The following ITGB1BP1 variants were observed in gnomAD, a reference collection of about 807,000 sequenced individuals.
ITGB1BP1 encodes the protein integrin beta-1-binding protein 1.
A neutral mutation model predicts 28.0 loss-of-function variants in ITGB1BP1; 20 were observed. That is an observed-to-expected ratio of 0.71 (90% CI 0.50 to 1.04). ITGB1BP1 has a LOEUF of 1.04. Ranked by LOEUF, ITGB1BP1 falls within the 50% of genes least tolerant of loss-of-function variation. The pLI, the probability that ITGB1BP1 is intolerant of heterozygous loss-of-function variation, is 0.00. For missense variants in ITGB1BP1, 228 were observed against 242.5 expected (o/e 0.94, Z 0.40); for synonymous variants, 103 against 89.5 (o/e 1.15, Z -0.85).
chr2:9,417,930 C>A (rs1679352219), intron 2 of ITGB1BP1, among the ~76,000 whole-genome samples: 1 of 152,098 alleles, frequency 6.6e-6, no homozygotes, highest in Non-Finnish European at 1.5e-5. Flanking sequence ...TATTTTATGC[C>A]CCTTAAACAG....
Position 9,408,216 on chromosome 2 carries a change from A to G in ITGB1BP1, c.289-11T>C. On this transcript the variant is annotated splice_polypyrimidine_tract_variant and intron_variant, in intron 4 of 6. Transcript: ENST00000355346. Reference sequence around the variant, plus strand: ...CAACTTTCCATCTTGCTTTAAAGTAAAAATAAATTCCATGATAAAGATTAA... The same window carrying G: ...CAACTTTCCATCTTGCTTTAAAGTAGAAATAAATTCCATGATAAAGATTAA... The G allele has an allele frequency of 6.8e-7, 1 of 1,468,676 alleles. No homozygotes were observed. Among genetic ancestry groups the G allele is most frequent in the Non-Finnish European group, 9.5e-7 (1 of 1,050,530 alleles). The allele number at this position is 1,468,676 out of a possible 1,614,324, so 91.0% of individuals were successfully genotyped here. A position where few individuals can be genotyped will look rare whatever the true frequency, so the allele number is the denominator to read the frequency against.
intron 1 of ITGB1BP1, 133 bp from the exon 2 acceptor site, chr2:9,418,865 C>A: frequency 1.5e-6 from 1 of 650,946 alleles, no homozygotes; most frequent in Non-Finnish European, 2.7e-6. Context: ...GTCTTGACCT[C>A]ACACCTCAGC....
At chr2:9,421,035 C>T (rs956480998) in intron 1 of ITGB1BP1, among the ~76,000 whole-genome samples, 1 of 152,082 alleles carries the variant, frequency 6.6e-6, no homozygotes, top group South Asian at 2.1e-4. Flanking sequence ...ACTAGGTTAA[C>T]GTAGCAGCAT....
chr2:9,408,347 C>T, intron 4 of ITGB1BP1, 142 bp from the exon 5 acceptor site: 1 of 612,512 alleles, frequency 1.6e-6, no homozygotes, highest in Non-Finnish European at 3.0e-6. Context: ...GCAAGAGTCT[C>T]TCTCCCAGAG....
chr2:9,418,526 CAGG>C (rs796435429), intron 2 of ITGB1BP1, 97 bp downstream of exon 2: 8 of 828,122 alleles, frequency 9.7e-6, no homozygotes, highest in Admixed American at 1.9e-5. Context: ...TGAAGATTAT[CAGG>C]AGATCTGCCC....
intron 2 of ITGB1BP1, among the ~76,000 whole-genome samples, chr2:9,418,379 A>G (rs1679400657): frequency 6.6e-6 from 1 of 152,230 alleles, no homozygotes; most frequent in African/African-American, 2.4e-5. Flanking sequence ...GCTTATTTCA[A>G]CGAAACCATT....
At chr2:9,407,707 T>A in intron 5 of ITGB1BP1, 109 bp from the exon 6 acceptor site, 1 of 1,236,890 alleles carries the variant, frequency 8.1e-7, no homozygotes, top group Non-Finnish European at 1.1e-6. Flanking sequence ...TATCCATAGG[T>A]TTCTCACCCC....
chr2:9,413,472 G>A (rs1678722133), intron 3 of ITGB1BP1, among the ~76,000 whole-genome samples: 1 of 152,098 alleles, frequency 6.6e-6, no homozygotes, highest in Non-Finnish European at 1.5e-5. Flanking sequence ...GGGATTACAA[G>A]CATGCGCCAC....
intron 4 of ITGB1BP1, among the ~76,000 whole-genome samples, chr2:9,409,425 G>A (rs953618842): frequency 3.3e-5 from 5 of 152,252 alleles, no homozygotes; most frequent in Middle Eastern, 3.4e-3. Context: ...GTCAATACTG[G>A]AATTTTAGCA....
chr2:9,420,715 C>T (rs1395832370), intron 1 of ITGB1BP1, among the ~76,000 whole-genome samples: 2 of 152,172 alleles, frequency 1.3e-5, no homozygotes, highest in Admixed American at 6.5e-5. Flanking sequence ...CCAGGCAGGC[C>T]GCGGTAACAG....
chr2:9,408,131 T>C lies in ITGB1BP1; in HGVS notation c.363A>G (p.Val121=), dbSNP rs796575188. 6.4e-7 allele frequency: 1 copy of C among 1,558,472 alleles called. No individual in the cohort carries two copies. Among genetic ancestry groups the C allele is most frequent in the South Asian group, 1.1e-5 (1 of 89,700 alleles). ...IMGVSKYGIK[V]STSDQYDVLH... ...TACTTACATATTGATCTGATGTTGATACTTTTATGCCATACTTGGAAACTC... is the reference window on the plus strand; with the variant it reads ...TACTTACATATTGATCTGATGTTGACACTTTTATGCCATACTTGGAAACTC... The change falls in exon 5 of 7, where the codon GTA becomes GTG. Residue 121 remains valine, a synonymous_variant. Transcript: ENST00000355346.
At chr2:9,412,083 G>A in intron 4 of ITGB1BP1, 186 bp downstream of exon 4, 1 of 557,728 alleles carries the variant, frequency 1.8e-6, no homozygotes, top group Non-Finnish European at 3.1e-6. Context: ...TTGAAGGGAG[G>A]AACAGCGCCT....
intron 1 of ITGB1BP1, among the ~76,000 whole-genome samples, chr2:9,420,974 C>T (rs1679765227): frequency 6.6e-6 from 1 of 152,194 alleles, no homozygotes; most frequent in Admixed American, 6.5e-5. Flanking sequence ...CAGCACAGGA[C>T]ACTTGTCAGT....
chr2:9,423,321 C>T, intron 1 of ITGB1BP1, 52 bp downstream of exon 1: 1 of 1,222,832 alleles, frequency 8.2e-7, no homozygotes, highest in Non-Finnish European at 1.0e-6. Flanking sequence ...ACCGTGTTCC[C>T]GTCAGGCCTC....
intron 4 of ITGB1BP1, chr2:9,408,469 C>T (rs186495355): frequency 5.0e-5 from 16 of 319,322 alleles, no homozygotes; most frequent in East Asian, 2.5e-4. Flanking sequence ...CTCGTTGCAA[C>T]GTCTGCCTCC....
intron 2 of ITGB1BP1, among the ~76,000 whole-genome samples, chr2:9,417,764 C>G (rs1679327760): frequency 6.6e-6 from 1 of 152,166 alleles, no homozygotes; most frequent in Non-Finnish European, 1.5e-5. Context: ...CTGCCCCTCT[C>G]CCAATCTCCC....
rs990652466 is a variant in ITGB1BP1 at position 9,404,996 on chromosome 2, CTTA to C, written c.*1835_*1837del. On this transcript the variant is annotated 3_prime_UTR_variant, in exon 7 of 7. Transcript: ENST00000355346. Reference sequence around the variant, plus strand: ...AAACAGATGTATTTTGCACAGTGCACTTATGTCTATTTTAACAATCCTCCTGCA... The same window carrying C: ...AAACAGATGTATTTTGCACAGTGCACTGTCTATTTTAACAATCCTCCTGCA... 1.3e-5 allele frequency: 2 copies of C among 152,392 alleles called. No individual in the cohort carries two copies. Among genetic ancestry groups the C allele is most frequent in the Non-Finnish European group, 2.9e-5 (2 of 68,010 alleles). The allele number at this position is 152,392 out of a possible 1,614,324, so 9.4% of individuals were successfully genotyped here.
At chr2:9,408,299 C>A in intron 4 of ITGB1BP1, 94 bp from the exon 5 acceptor site, 1 of 761,652 alleles carries the variant, frequency 1.3e-6, no homozygotes, top group Non-Finnish European at 2.3e-6. Flanking sequence ...CATCGCAAGC[C>A]CAAACCCTTT....
rs763086778 is a variant in ITGB1BP1, at chr2:9,418,691, G to A, written c.7C>T (p.Arg3Cys). The A allele has an allele frequency of 5.0e-6, 8 of 1,613,548 alleles. No individual in the cohort carries two copies. Among genetic ancestry groups the A allele is most frequent in the South Asian group, 4.4e-5 (4 of 91,072 alleles). Residue 3 changes from arginine to cysteine, a missense_variant, in exon 2 of 7, where the codon CGC (arginine) becomes TGC (cysteine). Arg to Cys is a radical substitution (Grantham distance 180). Coordinates refer to ENST00000355346, the MANE Select transcript of ITGB1BP1 (RefSeq NM_004763.5). Reference protein sequence around the residue: MFRKGKKRHSSSS... With the variant: MFCKGKKRHSSSS... Reference sequence around the variant, plus strand: ...CTACTGTGTCGTTTTTTGCCCTTGCGAAACATTTTTCACCACCATTGCTTG... The same window carrying A: ...CTACTGTGTCGTTTTTTGCCCTTGCAAAACATTTTTCACCACCATTGCTTG...
Sources: gnomAD v4.1 joint callset for allele counts (sites outside exome capture counted in the v4.1 genomes callset) on GRCh38, gnomAD v4.1.1 for gene constraint, MANE v1.5 for transcripts, NCBI Gene and HGNC (gene_info 2026-07-23, HGNC 2026-07-21) for gene names.